SSBP3: variants seen among roughly 807,000 people sequenced by gnomAD.
SSBP3 encodes the protein single stranded DNA binding protein 3, also known as single-stranded DNA-binding protein 3.
Under a neutral mutation model 69.6 loss-of-function variants are expected in SSBP3, and 5 were observed. That is an observed-to-expected ratio of 0.07 (90% CI 0.04 to 0.15). The LOEUF is 0.15. Among genes scored for constraint, SSBP3 ranks in the 10% least tolerant of loss-of-function variants. The pLI, the probability that SSBP3 is intolerant of heterozygous loss-of-function variation, is 1.00. For synonymous variants in SSBP3, 196 were observed against 193.4 expected (o/e 1.01, Z -0.11); for missense variants, 312 against 534.0 (o/e 0.58, Z 4.10).
intron 4 of SSBP3, among the ~76,000 whole-genome samples, chr1:54,311,103 C>A (rs1645994287): frequency 6.6e-6 from 1 of 152,170 alleles, no homozygotes; most frequent in Non-Finnish European, 1.5e-5. Flanking sequence ...CTGACCAGAG[C>A]CGATTCTTTG....
At chr1:54,377,126 G>A (rs1438638969) in intron 4 of SSBP3, among the ~76,000 whole-genome samples, 2 of 152,086 alleles carry the variant, frequency 1.3e-5, no homozygotes, top group Admixed American at 6.6e-5. Context: ...AAGACACTAC[G>A]GTTAAAGGCA....
At chr1:54,284,355 T>C (rs1211516716) in intron 4 of SSBP3, among the ~76,000 whole-genome samples, 6 of 152,162 alleles carry the variant, frequency 3.9e-5, no homozygotes, top group Admixed American at 3.3e-4. Context: ...ATGGTTTGCA[T>C]TGGCCACTTG....
At chr1:54,303,775 G>A (rs1351695450) in intron 4 of SSBP3, among the ~76,000 whole-genome samples, 1 of 152,000 alleles carries the variant, frequency 6.6e-6, no homozygotes, top group African/African-American at 2.4e-5. Flanking sequence ...CAGTTTGGGG[G>A]AAAAAAATAT....
chr1:54,242,952 A>AAAAAAT (rs1305402206), intron 10 of SSBP3: 6 of 363,238 alleles, frequency 1.7e-5, no homozygotes, highest in South Asian at 1.2e-4. Flanking sequence ...TCTGTCTCAA[A>AAAAAAT]AAAAATAAAA....
intron 4 of SSBP3, among the ~76,000 whole-genome samples, chr1:54,368,470 A>T (rs573513041): frequency 1.1e-4 from 17 of 149,200 alleles, no homozygotes; most frequent in African/African-American, 4.4e-4. Flanking sequence ...ATAGTTCCCC[A>T]CATTTAGGGA....
chr1:54,393,887 G>C (rs1489104085), intron 4 of SSBP3, among the ~76,000 whole-genome samples: 2 of 152,176 alleles, frequency 1.3e-5, no homozygotes, highest in Non-Finnish European at 2.9e-5. Context: ...AGCCTCCAGA[G>C]TAGCTGGGAC....
At chr1:54,239,319 A>G in intron 13 of SSBP3, 120 bp from the exon 14 acceptor site, 1 of 735,048 alleles carries the variant, frequency 1.4e-6, no homozygotes, top group Non-Finnish European at 2.2e-6. Flanking sequence ...TCTAAGTACC[A>G]CCATTTTCTG....
chr1:54,292,021 C>T (rs929577786), intron 4 of SSBP3, among the ~76,000 whole-genome samples: 1 of 152,200 alleles, frequency 6.6e-6, no homozygotes. Flanking sequence ...CCCTTACCCA[C>T]TAGGTGGGTG....
intron 5 of SSBP3, among the ~76,000 whole-genome samples, chr1:54,264,052 G>T (rs1645060942): frequency 6.6e-6 from 1 of 152,222 alleles, no homozygotes; most frequent in Admixed American, 6.5e-5. Context: ...CTGTAATCCA[G>T]CATTTTGGGA....
At chr1:54,316,657 AAAT>A (rs1283443276) in intron 4 of SSBP3, among the ~76,000 whole-genome samples, 1,291 of 37,680 alleles carry the variant, frequency 0.034, 180 homozygotes, top group African/African-American at 0.11. Flanking sequence ...CAAAAAAAAA[AAAT>A]AAAATAAATA....
intron 4 of SSBP3, among the ~76,000 whole-genome samples, chr1:54,291,974 A>G (rs909458230): frequency 6.6e-6 from 1 of 152,196 alleles, no homozygotes; most frequent in African/African-American, 2.4e-5. Flanking sequence ...CCTGCTAGAT[A>G]CAGCTGAGAA....
intron 4 of SSBP3, among the ~76,000 whole-genome samples, chr1:54,354,072 C>T (rs922878410): frequency 6.6e-6 from 1 of 152,188 alleles, no homozygotes; most frequent in African/African-American, 2.4e-5. Context: ...CAATGCTGCA[C>T]CAGGATGCCC....
chr1:54,410,360 T>A (rs946223343), upstream of SSBP3, among the ~76,000 whole-genome samples: 1 of 152,192 alleles, frequency 6.6e-6, no homozygotes, highest in Non-Finnish European at 1.5e-5. Context: ...AAAGGGACTT[T>A]AGGCCCATGA....
intron 5 of SSBP3, among the ~76,000 whole-genome samples, chr1:54,263,851 C>T (rs558002629): frequency 1.3e-5 from 2 of 152,310 alleles, no homozygotes; most frequent in South Asian, 2.1e-4. Flanking sequence ...AGCCCCGGGG[C>T]AGGCACATCT....
chr1:54,287,974 C>T (rs1339051067), intron 4 of SSBP3, among the ~76,000 whole-genome samples: 1 of 152,148 alleles, frequency 6.6e-6, no homozygotes, highest in East Asian at 1.9e-4. Context: ...AAGATCCCTG[C>T]CTTCAAATAG....
chr1:54,341,084 T>C (rs546915782), intron 4 of SSBP3, among the ~76,000 whole-genome samples: 1 of 152,226 alleles, frequency 6.6e-6, no homozygotes, highest in Non-Finnish European at 1.5e-5. Context: ...TGAAACAATG[T>C]CTGCATAGTA....
At chr1:54,333,019 G>A (rs887022313) in intron 4 of SSBP3, among the ~76,000 whole-genome samples, 1 of 152,164 alleles carries the variant, frequency 6.6e-6, no homozygotes, top group African/African-American at 2.4e-5. Flanking sequence ...GACAACCAGG[G>A]CTTCCTAATA....
chr1:54,316,261 T>C (rs1291068868), intron 4 of SSBP3, among the ~76,000 whole-genome samples: 1 of 151,936 alleles, frequency 6.6e-6, no homozygotes, highest in Admixed American at 6.6e-5. Flanking sequence ...GAGGATGGTA[T>C]GAACTCGGGA....
chr1:54,235,518 C>CA (rs1195002363), intron 14 of SSBP3, among the ~76,000 whole-genome samples: 12 of 138,624 alleles, frequency 8.7e-5, no homozygotes, highest in African/African-American at 3.3e-4. Flanking sequence ...CGCAGCGTTG[C>CA]AATCTCAGCT....
Sources: gnomAD v4.1 joint callset for allele counts (sites outside exome capture counted in the v4.1 genomes callset) on GRCh38, gnomAD v4.1.1 for gene constraint, MANE v1.5 for transcripts, NCBI Gene and HGNC (gene_info 2026-07-23, HGNC 2026-07-21) for gene names.